Variants in SLC35F3 observed in about 807,000 individuals in gnomAD.
SLC35F3 encodes solute carrier family 35 member F3.
Under a neutral mutation model 49.9 loss-of-function variants are expected in SLC35F3, and 25 were observed. The observed-to-expected ratio is 0.50, with a 90% CI of 0.37 to 0.70. The LOEUF is 0.70. Among genes scored for constraint, SLC35F3 ranks in the 30% least tolerant of loss-of-function variants. The pLI is 0.00. For missense variants in SLC35F3, 525 were observed against 639.8 expected (o/e 0.82, Z 1.94); for synonymous variants, 275 against 265.4 (o/e 1.04, Z -0.35).
At chr1:234,275,765 T>A (rs526311) in intron 3 of SLC35F3, among the ~76,000 whole-genome samples, 39,265 of 112,716 alleles carry the variant, frequency 0.35, 5,615 homozygotes, top group Admixed American at 0.39. Context: ...AAAAAAAAAA[T>A]ATATATATAT....
chr1:234,005,010 A>C (rs969525895), intron 2 of SLC35F3, among the ~76,000 whole-genome samples: 2 of 152,330 alleles, frequency 1.3e-5, no homozygotes, highest in Middle Eastern at 3.4e-3. Context: ...TAAGCAGGAA[A>C]TGAAAGAATT....
chr1:233,936,926 A>C (rs1662343751), intron 2 of SLC35F3, among the ~76,000 whole-genome samples: 1 of 152,122 alleles, frequency 6.6e-6, no homozygotes, highest in Non-Finnish European at 1.5e-5. Flanking sequence ...TCCTGAACTT[A>C]AGTGATCTTC....
intron 2 of SLC35F3, among the ~76,000 whole-genome samples, chr1:234,048,027 T>C (rs1664319991): frequency 6.6e-6 from 1 of 152,080 alleles, no homozygotes; most frequent in Non-Finnish European, 1.5e-5. Flanking sequence ...TTATTGGAAA[T>C]TGGAGGAAAG....
At chr1:233,951,142 G>A (rs940288140) in intron 2 of SLC35F3, among the ~76,000 whole-genome samples, 4 of 150,960 alleles carry the variant, frequency 2.6e-5, no homozygotes, top group African/African-American at 7.4e-5. Context: ...GTAAATCAGG[G>A]TTTTGAAAGA....
chr1:234,319,253 G>T (rs1305419975), intron 6 of SLC35F3, among the ~76,000 whole-genome samples: 1 of 152,200 alleles, frequency 6.6e-6, no homozygotes, highest in South Asian at 2.1e-4. Context: ...TACCTGCAGA[G>T]GTCTTAGAAC....
intron 2 of SLC35F3, among the ~76,000 whole-genome samples, chr1:233,989,260 A>G (rs1663317042): frequency 6.6e-6 from 1 of 152,224 alleles, no homozygotes; most frequent in Non-Finnish European, 1.5e-5. Context: ...TCATTACAAC[A>G]ATACTAAAAT....
chr1:233,933,511 G>A (rs188691495), intron 2 of SLC35F3, among the ~76,000 whole-genome samples: 1 of 152,184 alleles, frequency 6.6e-6, no homozygotes, highest in East Asian at 1.9e-4. Flanking sequence ...TTTGTGTAGA[G>A]AACTCAGATG....
intron 3 of SLC35F3, among the ~76,000 whole-genome samples, chr1:234,287,927 C>A (rs1373699560): frequency 6.6e-6 from 1 of 152,190 alleles, no homozygotes; most frequent in African/African-American, 2.4e-5. Flanking sequence ...TGCTTTGTCA[C>A]CCAGGCTGGA....
intron 2 of SLC35F3, among the ~76,000 whole-genome samples, chr1:234,122,453 C>A (rs972126234): frequency 1.3e-5 from 2 of 152,084 alleles, no homozygotes; most frequent in Non-Finnish European, 2.9e-5. Context: ...ATATTTGGGG[C>A]ATTTTTTTAA....
chr1:234,208,151 C>T (rs1667000412), intron 2 of SLC35F3, among the ~76,000 whole-genome samples: 1 of 152,226 alleles, frequency 6.6e-6, no homozygotes, highest in Non-Finnish European at 1.5e-5. Context: ...CCTGGAAGAG[C>T]TGGAGTTCAA....
At chr1:233,996,598 C>G (rs2102829983) in intron 2 of SLC35F3, among the ~76,000 whole-genome samples, 3 of 152,258 alleles carry the variant, frequency 2.0e-5, no homozygotes, top group Middle Eastern at 6.8e-3. Context: ...ACCCTTCCCT[C>G]TTTGGAATGT....
intron 2 of SLC35F3, among the ~76,000 whole-genome samples, chr1:233,966,489 A>T (rs1662908395): frequency 1.3e-5 from 2 of 152,124 alleles, no homozygotes; most frequent in South Asian, 4.1e-4. Context: ...GGCCAATCAG[A>T]TTTCATCTGG....
chr1:234,005,852 GC>G (rs374146283), intron 2 of SLC35F3, among the ~76,000 whole-genome samples: 215 of 152,232 alleles, frequency 1.4e-3, no homozygotes, highest in African/African-American at 4.8e-3. Flanking sequence ...AGCATTAGAG[GC>G]AGGACTCTGG....
chr1:233,968,537 G>C (rs1662937758), intron 2 of SLC35F3, among the ~76,000 whole-genome samples: 1 of 151,810 alleles, frequency 6.6e-6, no homozygotes, highest in Non-Finnish European at 1.5e-5. Flanking sequence ...ACCCATGCTG[G>C]AGTGTGGTGG....
chr1:233,974,823 A>G (rs1431852118), intron 2 of SLC35F3, among the ~76,000 whole-genome samples: 1 of 152,246 alleles, frequency 6.6e-6, no homozygotes, highest in Non-Finnish European at 1.5e-5. Context: ...GACATTTACT[A>G]TGCACAAGAG....
intron 2 of SLC35F3, among the ~76,000 whole-genome samples, chr1:234,021,646 G>A (rs1021594475): frequency 6.6e-6 from 1 of 152,176 alleles, no homozygotes; most frequent in East Asian, 1.9e-4. Context: ...AGACCATGTT[G>A]TGTATTAGGC....
chr1:234,241,589 G>C (rs1667553280), intron 3 of SLC35F3, among the ~76,000 whole-genome samples: 1 of 152,032 alleles, frequency 6.6e-6, no homozygotes. Context: ...TACAAAATTA[G>C]CTGGGCATGG....
At chr1:234,264,447 C>T (rs893234214) in intron 3 of SLC35F3, among the ~76,000 whole-genome samples, 1 of 152,230 alleles carries the variant, frequency 6.6e-6, no homozygotes, top group Non-Finnish European at 1.5e-5. Flanking sequence ...CTCCCTTTCT[C>T]TCTTAAACCT....
chr1:234,113,646 C>G (rs1665441437), intron 2 of SLC35F3, among the ~76,000 whole-genome samples: 1 of 152,094 alleles, frequency 6.6e-6, no homozygotes, highest in African/African-American at 2.4e-5. Context: ...GGCAGATCAC[C>G]TGAGATCAGG....
Sources: allele counts gnomAD v4.1 joint callset (sites outside exome capture counted in the v4.1 genomes callset), GRCh38; gene constraint gnomAD v4.1.1; transcripts MANE v1.5; gene names NCBI Gene and HGNC (gene_info 2026-07-23, HGNC 2026-07-21).